The following JMJD1C variants were observed in gnomAD, a reference collection of about 807,000 sequenced individuals.
The protein encoded by JMJD1C is jumonji domain containing 1C.
Under a neutral mutation model 245.3 loss-of-function variants are expected in JMJD1C, and 31 were observed. The observed-to-expected ratio is 0.13, with a 90% CI of 0.09 to 0.17. The LOEUF is 0.17. Among genes scored for constraint, JMJD1C ranks in the 10% least tolerant of loss-of-function variants. The pLI, the probability that JMJD1C is intolerant of heterozygous loss-of-function variation, is 1.00. For missense variants in JMJD1C, 2,691 were observed against 3,000.2 expected (o/e 0.90, Z 2.41); for synonymous variants, 1,057 against 1,017.4 (o/e 1.04, Z -0.74).
intron 24 of JMJD1C, among the ~76,000 whole-genome samples, chr10:63,168,985 A>G (rs1188963398): frequency 6.6e-6 from 1 of 152,206 alleles, no homozygotes. Context: ...TTTCACTGTT[A>G]ACTCTTACAT....
chr10:63,256,794 T>C (rs746023869), intron 3 of JMJD1C, among the ~76,000 whole-genome samples: 1 of 152,198 alleles, frequency 6.6e-6, no homozygotes, highest in African/African-American at 2.4e-5. Context: ...ATTTTACTGA[T>C]TTTATGTCAA....
In JMJD1C at chr10:63,167,552, T is replaced by G. The variant is rs1439131872; in HGVS notation, c.*493A>C. The G allele has an allele frequency of 6.5e-6, 1 of 152,794 alleles. No homozygotes were observed. Among genetic ancestry groups the G allele is most frequent in the Middle Eastern group, 3.2e-3 (1 of 316 alleles). 9.5% of individuals were successfully genotyped at this position (152,794 alleles called of 1,614,324 possible). On this transcript the variant is annotated 3_prime_UTR_variant, in exon 26 of 26. Coordinates refer to ENST00000399262, the MANE Select transcript of JMJD1C (RefSeq NM_032776.3). ...ACTTTATACTTTACAAATTTTACAA[T>G]TATTTGGCAGTAATTTTCTGATTAT... is the stretch of plus-strand genomic sequence containing the variant.
chr10:63,516,775 T>A (rs1955029317), intron 1 of JMJD1C, among the ~76,000 whole-genome samples: 1 of 152,220 alleles, frequency 6.6e-6, no homozygotes, highest in East Asian at 1.9e-4. Flanking sequence ...TGTCAGCTAG[T>A]CACCATCTTT....
At chr10:63,255,391 C>A (rs1853740407) in intron 3 of JMJD1C, among the ~76,000 whole-genome samples, 1 of 152,144 alleles carries the variant, frequency 6.6e-6, no homozygotes, top group Non-Finnish European at 1.5e-5. Flanking sequence ...GATACTGACA[C>A]ACGTAAGTCA....
intron 1 of JMJD1C, among the ~76,000 whole-genome samples, chr10:63,457,614 A>G (rs1422860839): frequency 2.0e-5 from 3 of 152,238 alleles, no homozygotes; most frequent in Admixed American, 6.5e-5. Context: ...AAGGAGAAAT[A>G]AAAGTCCAAG....
chr10:63,308,450 T>C (rs1938605010), intron 2 of JMJD1C, among the ~76,000 whole-genome samples: 2 of 152,178 alleles, frequency 1.3e-5, no homozygotes, highest in South Asian at 2.1e-4. Context: ...GGAAAGCCTC[T>C]AAATTTAAAG....
At chr10:63,212,712 A>AT (rs1432093755) in intron 8 of JMJD1C, among the ~76,000 whole-genome samples, 3 of 152,248 alleles carry the variant, frequency 2.0e-5, no homozygotes, top group Non-Finnish European at 4.4e-5. Flanking sequence ...TCTGGAGAAT[A>AT]TAACAATTTG....
At chr10:63,367,744 A>G (rs1797094719) in intron 2 of JMJD1C, among the ~76,000 whole-genome samples, 1 of 152,216 alleles carries the variant, frequency 6.6e-6, no homozygotes, top group African/African-American at 2.4e-5. Context: ...TTTCCACGAG[A>G]GACCCATGCA....
At chr10:63,406,958 A>G (rs1949207552) in intron 1 of JMJD1C, among the ~76,000 whole-genome samples, 1 of 152,204 alleles carries the variant, frequency 6.6e-6, no homozygotes, top group African/African-American at 2.4e-5. Context: ...AAAATAAACT[A>G]ATTTTAAAAT....
At chr10:63,437,507 G>GT (rs1951124447) in intron 1 of JMJD1C, among the ~76,000 whole-genome samples, 1 of 152,132 alleles carries the variant, frequency 6.6e-6, no homozygotes. Context: ...TAAAGACAGG[G>GT]TTCTAGTAAT....
intron 2 of JMJD1C, among the ~76,000 whole-genome samples, chr10:63,286,429 C>T (rs371260515): frequency 5.3e-4 from 81 of 152,324 alleles, no homozygotes; most frequent in African/African-American, 1.9e-3. Context: ...CGGTTAAGAA[C>T]ACCTGGCCTA....
chr10:63,403,168 A>G (rs751279664), intron 1 of JMJD1C, among the ~76,000 whole-genome samples: 2 of 152,238 alleles, frequency 1.3e-5, no homozygotes, highest in Non-Finnish European at 2.9e-5. Flanking sequence ...TGTCACCAGG[A>G]AAGCCAAGGG....
intron 1 of JMJD1C, among the ~76,000 whole-genome samples, chr10:63,410,180 T>C (rs1454990220): frequency 2.0e-5 from 3 of 152,124 alleles, no homozygotes; most frequent in Non-Finnish European, 4.4e-5. Context: ...TGTAACCATT[T>C]ATAAATGACC....
At position 63,177,760 on chromosome 10, in the gene JMJD1C, T is replaced by A. The variant is rs1842987530; in HGVS notation, c.7181A>T (p.Tyr2394Phe). 1.2e-6 allele frequency: 2 copies of A among 1,613,996 alleles called. No homozygotes were observed. Among genetic ancestry groups the A allele is most frequent in the South Asian group, 2.2e-5 (2 of 91,086 alleles). The change falls in exon 23 of 26, where the codon TAT (tyrosine) becomes TTT (phenylalanine). Residue 2394 changes from tyrosine to phenylalanine, a missense_variant. Physicochemically the swap from Tyr to Phe is conservative, Grantham distance 22. This residue lies in a region of JMJD1C where 232 missense variants were observed against 416.1 expected (regional missense o/e 0.56). Coordinates refer to ENST00000399262, the MANE Select transcript of JMJD1C (RefSeq NM_032776.3). ...TATCTTGTCAACATCTTTCCCAGCA[T>A]AAATATGCCACAGAGCACCAGGTAT... ...SEIPGALWHI[Y>F]AGKDVDKIRE... is the part of the protein sequence containing the mutation.
At chr10:63,203,208 TTAAC>T (rs1846221435) in intron 10 of JMJD1C, 5 of 984,590 alleles carry the variant, frequency 5.1e-6, no homozygotes, top group Non-Finnish European at 6.0e-6. Flanking sequence ...TTTTATGAAT[TTAAC>T]TGTCATAGTA....
chr10:63,507,867 C>A (rs777353553), intron 1 of JMJD1C, among the ~76,000 whole-genome samples: 1 of 152,080 alleles, frequency 6.6e-6, no homozygotes, highest in Non-Finnish European at 1.5e-5. Flanking sequence ...ATCTACAAAT[C>A]TTCTTTGGTG....
chr10:63,454,805 A>G (rs1589780151), intron 1 of JMJD1C, among the ~76,000 whole-genome samples: 2 of 152,240 alleles, frequency 1.3e-5, no homozygotes, highest in Non-Finnish European at 2.9e-5. Flanking sequence ...AATTCCCCAC[A>G]TAATGAATAT....
chr10:63,215,416 C>G lies in JMJD1C; in HGVS notation c.862G>C (p.Ala288Pro), dbSNP rs1280963696. ...GGTACAGCAGCTTGGGAGTTCATTGCTGGTCTGGGACTATTTGCTTGGGCA... is the reference window on the plus strand; with the variant it reads ...GGTACAGCAGCTTGGGAGTTCATTGGTGGTCTGGGACTATTTGCTTGGGCA... ...TRAQANSPRP[A>P]MNSQAAVPKQ... is the part of the protein sequence containing the mutation. Residue 288 changes from alanine to proline, a missense_variant, in exon 7 of 26, where the codon GCA becomes CCA. Around this residue, in one of 9 missense-constraint regions of JMJD1C, gnomAD observed 1,562 missense variants for 1,490.7 expected, o/e 1.05. Transcript: ENST00000399262. 1 of 1,614,082 alleles carries G rather than the reference C, an allele frequency of 6.2e-7. No individual in the cohort carries two copies. Among genetic ancestry groups the G allele is most frequent in the Non-Finnish European group, 8.5e-7 (1 of 1,180,008 alleles).
rs1338989290 is a variant in JMJD1C at position 63,191,061 on chromosome 10, G to C, written c.6124C>G (p.Gln2042Glu). The C allele has an allele frequency of 6.2e-7, 1 of 1,613,846 alleles. No homozygotes were observed. The highest frequency in any genetic ancestry group is 1.3e-5 in the African/African-American group (1 of 74,922). Residue 2042 changes from glutamine (Q) to glutamate (E), a missense_variant, in exon 17 of 26, where the codon CAA becomes GAA. Physicochemically the swap from Gln to Glu is conservative, Grantham distance 29. Around this residue, in one of 9 missense-constraint regions of JMJD1C, gnomAD observed 275 missense variants for 285.5 expected, o/e 0.96. Coordinates refer to ENST00000399262, the MANE Select transcript of JMJD1C (RefSeq NM_032776.3). Reference sequence around the variant, plus strand: ...CCATTTGGAGATTCAGAGTTGTCTTGTTCTCTTTCTTCTTTAATTTGGTTT... The same window carrying C: ...CCATTTGGAGATTCAGAGTTGTCTTCTTCTCTTTCTTCTTTAATTTGGTTT... ...LENQIKEERE[Q>E]DNSESPNGRT... is the part of the protein sequence containing the mutation.
Sources: allele counts gnomAD v4.1 joint callset (sites outside exome capture counted in the v4.1 genomes callset), GRCh38; gene constraint gnomAD v4.1.1; regional missense constraint gnomAD v4.1.1; transcripts MANE v1.5; gene names NCBI Gene and HGNC (gene_info 2026-07-23, HGNC 2026-07-21).